Variants in MMP3 observed in about 807,000 individuals in gnomAD.
MMP3 encodes the protein stromelysin-1.
A neutral mutation model predicts 47.3 loss-of-function variants in MMP3; 46 were observed. That is an observed-to-expected ratio of 0.97 (90% CI 0.77 to 1.24). MMP3 has a LOEUF of 1.24. Among genes scored for constraint, MMP3 ranks in the 50% most tolerant of loss-of-function variants. The pLI is 0.00. For synonymous variants in MMP3, 216 were observed against 206.5 expected (o/e 1.05, Z -0.39); for missense variants, 558 against 565.5 (o/e 0.99, Z 0.13).
chr11:102,840,410 T>C lies in MMP3; in HGVS notation c.790+19A>G. 1.9e-6 allele frequency: 3 copies of C among 1,609,552 alleles called. No homozygotes were observed. In the East Asian group the frequency reaches 6.7e-5, roughly 36 times the overall value. ...ATCATTGCAAAACTACAATGGCTGATTTTCCCAGTGTCACTCACCATAGAG... is the reference window on the plus strand; with the variant it reads ...ATCATTGCAAAACTACAATGGCTGACTTTCCCAGTGTCACTCACCATAGAG... On this transcript the variant is annotated intron_variant, in intron 5 of 9. Transcript: ENST00000299855.
chr11:102,842,797 C>G lies in MMP3; in HGVS notation c.225G>C (p.Val75=). 2 of 1,613,972 alleles carry G rather than the reference C, an allele frequency of 1.2e-6. No homozygotes were observed. The highest frequency in any genetic ancestry group is 1.7e-6 in the Non-Finnish European group (2 of 1,179,970). Reference sequence around the variant, plus strand: ...GAGTGTCGGAGTCCAGCTTCCCCGTCACCTCCAATCCAAGGAACTTCTGCA... The same window carrying G: ...GAGTGTCGGAGTCCAGCTTCCCCGTGACCTCCAATCCAAGGAACTTCTGCA... ...REMQKFLGLE[V]TGKLDSDTLE... The change falls in exon 2 of 10, where the codon GTG becomes GTC. Residue 75 remains valine (V), a synonymous_variant. Transcript: ENST00000299855.
At position 102,842,221 on chromosome 11, in the gene MMP3, G is replaced by A. The variant is rs267602671; in HGVS notation, c.558C>T (p.Ala186=). ...GPGNVLAHAY[A]PGPGINGDAH... ...CATCTCCATTAATCCCTGGCCCAGG[G>A]GCATAGGCATGGGCCAAAACATTTC... Residue 186 remains alanine, a synonymous_variant, in exon 4 of 10, where the codon GCC becomes GCT. Coordinates refer to ENST00000299855, the MANE Select transcript of MMP3 (RefSeq NM_002422.5). 1 of 1,612,528 alleles carries A rather than the reference G, an allele frequency of 6.2e-7. No individual in the cohort carries two copies. The highest frequency in any genetic ancestry group is 8.5e-7 in the Non-Finnish European group (1 of 1,179,298).
rs369959225 is a variant in MMP3 at position 102,840,193 on chromosome 11, G to T, written c.850C>A (p.Pro284Thr). ...GGATCACAGTTGGCTGGCGTCCCAG[G>T]TTCTGGAGGGACAGGTTCCGTGGGT... ...LVPTEPVPPE[P>T]GTPANCDPAL... The change falls in exon 6 of 10, where the codon CCT becomes ACT. Residue 284 changes from proline to threonine, a missense_variant. Physicochemically the swap from Pro to Thr is conservative, Grantham distance 38 (BLOSUM62 -1). Transcript: ENST00000299855. 87 of 1,613,960 alleles carry T rather than the reference G, an allele frequency of 5.4e-5. No homozygotes were observed. The highest frequency in any genetic ancestry group is 6.7e-5 in the Non-Finnish European group (79 of 1,179,984).
intron 1 of MMP3, 60 bp downstream of exon 1, chr11:102,843,382 G>C: frequency 4.2e-6 from 5 of 1,184,472 alleles, no homozygotes; most frequent in Admixed American, 1.8e-5. Flanking sequence ...AAGACACACA[G>C]AATGGTTTCA....
In MMP3 at chr11:102,837,162, T is replaced by G. The variant is rs1858896492; in HGVS notation, c.1333+136A>C. ...AGTAGTTCTATAATGAGTACAAATG[T>G]AGGCGAATCAAAATTTTGAGAAGGG... On this transcript the variant is annotated intron_variant, in intron 9 of 9. Transcript: ENST00000299855. This position sits in a 1 kb window ranked among gnomAD's most constrained non-coding sequence, Gnocchi z 4.4. The G allele has an allele frequency of 1.6e-6, 1 of 635,638 alleles. No homozygotes were observed. The highest frequency in any genetic ancestry group is 2.8e-6 in the Non-Finnish European group (1 of 359,688). The allele number at this position is 635,638 out of a possible 1,614,324, so 39.4% of individuals were successfully genotyped here.
In MMP3 at chr11:102,840,436, G is replaced by C. The variant is rs200712381; in HGVS notation, c.783C>G (p.Ser261=). Reference sequence around the variant, plus strand: ...TTTCCCAGTGTCACTCACCATAGAGGGACTGAATGCCATTTATATCATCTT... The same window carrying C: ...TTTCCCAGTGTCACTCACCATAGAGCGACTGAATGCCATTTATATCATCTT... The part of the protein sequence containing the change: ...LSQDDINGIQ[S]LYGPPPDSPE... Residue 261 remains serine, a synonymous_variant, in exon 5 of 10, where the codon TCC becomes TCG. Transcript: ENST00000299855. The C allele has an allele frequency of 6.2e-6, 10 of 1,613,696 alleles. No homozygotes were observed. Among genetic ancestry groups the C allele is most frequent in the African/African-American group, 1.3e-5 (1 of 74,850 alleles).
chr11:102,838,450 A>C, intron 8 of MMP3, 101 bp downstream of exon 8: 1 of 1,261,606 alleles, frequency 7.9e-7, no homozygotes. Flanking sequence ...CTTCCTACTA[A>C]GAGAGAAGCA....
rs1892875 is a variant in MMP3, at chr11:102,835,992, G to A, written c.*134C>T. 3,864 of 655,376 alleles carry A rather than the reference G, an allele frequency of 5.9e-3. 64 individuals are homozygous for A. The highest frequency in any genetic ancestry group is 0.047 in the African/African-American group (2,581 of 55,452). 40.6% of individuals were successfully genotyped at this position (655,376 alleles called of 1,614,324 possible). On this transcript the variant is annotated 3_prime_UTR_variant, in exon 10 of 10. Transcript: ENST00000299855. Reference sequence around the variant, plus strand: ...AATGACCGGCAAGATACAGATTCACGCTCAAGTTCCCTTGAGTGTGACTCG... The same window carrying A: ...AATGACCGGCAAGATACAGATTCACACTCAAGTTCCCTTGAGTGTGACTCG...
rs782174564 is a variant in MMP3, at chr11:102,842,952, C to A, written c.106-36G>T. ...AAGTATAGTTTTTAGGTCACTCTTA[C>A]AATTTTTACTATAGCTATCTATTTA... On this transcript the variant is annotated intron_variant, in intron 1 of 9. Coordinates refer to ENST00000299855, the MANE Select transcript of MMP3 (RefSeq NM_002422.5). 6.6e-6 allele frequency: 10 copies of A among 1,504,980 alleles called. No individual in the cohort carries two copies. In the Admixed American group the frequency reaches 1.7e-4, roughly 26 times the overall value. 93.2% of individuals were successfully genotyped at this position (1,504,980 alleles called of 1,614,324 possible).
chr11:102,842,333 C>A (rs1859014344), intron 3 of MMP3, 54 bp from the exon 4 acceptor site: 8 of 1,569,642 alleles, frequency 5.1e-6, no homozygotes, highest in Middle Eastern at 1.7e-4. Context: ...CCTTTTGAGC[C>A]TTTTCCAGTA....
Position 102,836,196 on chromosome 11 carries a change from T to G in MMP3, c.1364A>C (p.Gln455Pro). The G allele has an allele frequency of 6.2e-7, 1 of 1,613,872 alleles. No homozygotes were observed. The highest frequency in any genetic ancestry group is 8.5e-7 in the Non-Finnish European group (1 of 1,179,818). ...GFFYFFTGSSQLEFDPNAKKV... is the reference protein window; with the variant it reads ...GFFYFFTGSSPLEFDPNAKKV... ...CTTTGCATTTGGGTCAAACTCCAAC[T>G]GTGAAGATCCAGTAAAGAAATAAAA... is the stretch of plus-strand genomic sequence containing the variant. The change falls in exon 10 of 10, where the codon CAG (glutamine) becomes CCG (proline). Residue 455 changes from glutamine (Q) to proline (P), a missense_variant. By Grantham distance (76) the Gln-to-Pro change is moderately conservative (BLOSUM62 -1). Transcript: ENST00000299855. This position sits in a 1 kb window ranked among gnomAD's most constrained non-coding sequence, Gnocchi z 4.6.
At position 102,837,468 on chromosome 11, in the gene MMP3, G is replaced by T; in HGVS notation, c.1230-67C>A. ...CATGTTACCGAACATCTTAGATCAT[G>T]TTAGGTTTAATGTGGAATTTTACTA... On this transcript the variant is annotated intron_variant, in intron 8 of 9. Transcript: ENST00000299855. This position sits in a 1 kb window ranked among gnomAD's most constrained non-coding sequence, Gnocchi z 4.4. 1.7e-6 allele frequency: 2 copies of T among 1,182,234 alleles called. No individual in the cohort carries two copies. Among genetic ancestry groups the T allele is most frequent in the Non-Finnish European group, 2.5e-6 (2 of 806,416 alleles). 73.2% of individuals were successfully genotyped at this position (1,182,234 alleles called of 1,614,324 possible). A position where few individuals can be genotyped will look rare whatever the true frequency, so the allele number is the denominator to read the frequency against.
intron 3 of MMP3, 72 bp downstream of exon 3, chr11:102,842,359 G>A: frequency 1.3e-6 from 2 of 1,544,068 alleles, no homozygotes; most frequent in Non-Finnish European, 1.7e-6. Flanking sequence ...ACACCAGATA[G>A]ATGAATGGAT....
chr11:102,843,376 C>G, intron 1 of MMP3, 66 bp downstream of exon 1: 1 of 1,116,312 alleles, frequency 9.0e-7, no homozygotes, highest in Middle Eastern at 2.0e-4. Context: ...GGTTTTAAGA[C>G]ACACAGAATG....
chr11:102,840,338 T>C, intron 5 of MMP3, 86 bp from the exon 6 acceptor site: 2 of 1,584,842 alleles, frequency 1.3e-6, no homozygotes, highest in Non-Finnish European at 1.7e-6. Flanking sequence ...TGCTTTGAAC[T>C]AAATCATAAA....
At position 102,835,851 on chromosome 11, in the gene MMP3, A is replaced by G. The variant is rs547564546; in HGVS notation, c.*275T>C. On this transcript the variant is annotated 3_prime_UTR_variant, in exon 10 of 10. Coordinates refer to ENST00000299855, the MANE Select transcript of MMP3 (RefSeq NM_002422.5). ...TTAAATAAGCAAATAGTCTACACAGATACAGTCACTTGTCTGTTGCACACG... is the reference window on the plus strand; with the variant it reads ...TTAAATAAGCAAATAGTCTACACAGGTACAGTCACTTGTCTGTTGCACACG... The G allele has an allele frequency of 2.6e-6, 1 of 377,566 alleles. No homozygotes were observed. Among genetic ancestry groups the G allele is most frequent in the South Asian group, 5.5e-5 (1 of 18,072 alleles). 23.4% of individuals were successfully genotyped at this position (377,566 alleles called of 1,614,324 possible). A position where few individuals can be genotyped will look rare whatever the true frequency, so the allele number is the denominator to read the frequency against.
intron 8 of MMP3, among the ~76,000 whole-genome samples, chr11:102,838,309 G>A (rs1215201640): frequency 6.6e-6 from 1 of 152,000 alleles, no homozygotes; most frequent in Non-Finnish European, 1.5e-5. Flanking sequence ...AGAGAAGAGG[G>A]GGCTCCAGGC....
chr11:102,838,818 A>C (rs1858936656), intron 7 of MMP3, 108 bp from the exon 8 acceptor site: 2 of 1,313,926 alleles, frequency 1.5e-6, no homozygotes, highest in Admixed American at 5.6e-5. Flanking sequence ...GTAGTAGCCC[A>C]AATTTTAGAT....
At chr11:102,840,319 T>C in intron 5 of MMP3, 67 bp from the exon 6 acceptor site, 1 of 1,591,634 alleles carries the variant, frequency 6.3e-7, no homozygotes, top group Non-Finnish European at 8.6e-7. Context: ...TTTCCAAACA[T>C]TCTCACGGTG....
Sources: gnomAD v4.1 joint callset for allele counts (sites outside exome capture counted in the v4.1 genomes callset) on GRCh38, gnomAD v4.1.1 for gene constraint, Gnocchi (gnomAD v3.1) non-coding constraint, MANE v1.5 for transcripts, NCBI Gene and HGNC (gene_info 2026-07-23, HGNC 2026-07-21) for gene names.